The following SHANK2 variants were observed in gnomAD, a reference collection of about 807,000 sequenced individuals.
SHANK2 encodes SH3 and multiple ankyrin repeat domains 2, also known as SH3 and multiple ankyrin repeat domains protein 2.
Under a neutral mutation model 133.7 loss-of-function variants are expected in SHANK2, and 43 were observed. The observed-to-expected ratio is 0.32, with a 90% CI of 0.25 to 0.41. The LOEUF (loss-of-function observed/expected upper bound fraction) is 0.41, where lower values mean the gene tolerates loss of function less well. SHANK2 is among the 10% of genes least tolerant of loss of function. The probability of loss-of-function intolerance (pLI) is 1.00; values close to 1 mark genes in which losing one functional copy is unlikely to be tolerated. For synonymous variants in SHANK2, 1,017 were observed against 952.8 expected, an observed-to-expected ratio of 1.07 and a Z score of -1.24; for missense variants, 1,994 against 2,235.8, an observed-to-expected ratio of 0.89 and a Z score of 2.18.
At chr11:70,825,002 G>A (rs1555056935) in intron 11 of SHANK2, among the ~76,000 whole-genome samples, 1 of 152,114 alleles carries the variant, frequency 6.6e-6, no homozygotes, top group African/African-American at 2.4e-5. Flanking sequence ...GAGAGGCCAC[G>A]GCTCTCCCTA....
At chr11:71,130,506 G>A (rs573979348) in intron 3 of SHANK2, among the ~76,000 whole-genome samples, 1 of 152,282 alleles carries the variant, frequency 6.6e-6, no homozygotes, top group African/African-American at 2.4e-5. Flanking sequence ...TGTAGTGAGG[G>A]CAAGGAAGTG....
chr11:70,493,373 T>TAA (rs71049919), intron 21 of SHANK2, among the ~76,000 whole-genome samples: 11 of 123,452 alleles, frequency 8.9e-5, no homozygotes, highest in African/African-American at 2.4e-4. Context: ...CCATTTCCTT[T>TAA]AAAAAAAAAA....
At chr11:70,860,741 G>A (rs1394136765) in intron 11 of SHANK2, among the ~76,000 whole-genome samples, 4 of 152,204 alleles carry the variant, frequency 2.6e-5, no homozygotes, top group African/African-American at 7.2e-5. Flanking sequence ...GGGGCCTGGC[G>A]CGATGGCTCA....
At chr11:70,490,840 T>C (rs2058877173) in intron 22 of SHANK2, among the ~76,000 whole-genome samples, 1 of 152,148 alleles carries the variant, frequency 6.6e-6, no homozygotes, top group South Asian at 2.1e-4. Context: ...CATCTCCTCT[T>C]TCATAAAATG....
intron 14 of SHANK2, among the ~76,000 whole-genome samples, chr11:70,701,160 G>A (rs1214295169): frequency 6.6e-6 from 1 of 150,956 alleles, no homozygotes; most frequent in African/African-American, 2.5e-5. Context: ...GTGCGTGTGT[G>A]TGTACGCGTG....
In SHANK2 at chr11:71,153,293, C is replaced by CG. The variant is rs544421888; in HGVS notation, c.-12-5956dup. Among the ~76,000 whole-genome samples the CG allele has an allele frequency of 4.0e-5, 4 of 100,680 alleles. No homozygotes were observed. The South Asian group carries it at 1.2e-3, about 30-fold the overall frequency. 66.0% of individuals were successfully genotyped at this position (100,680 alleles called of 152,430 possible). On this transcript the variant is annotated intron_variant, in intron 2 of 25. Coordinates refer to ENST00000601538, the MANE Select transcript of SHANK2 (RefSeq NM_012309.5). ...TGTGTAACTAATCTCTCGGGCGGGT[C>CG]GGGGGCGGGGGAGAGGCCATAAAAC...
chr11:70,907,618 A>G (rs1950125887), intron 10 of SHANK2: 1 of 193,078 alleles, frequency 5.2e-6, no homozygotes, highest in Admixed American at 5.5e-5. Context: ...AGAGATCCAT[A>G]TATTAAGGAG....
intron 11 of SHANK2, among the ~76,000 whole-genome samples, chr11:70,881,281 A>G (rs1949655316): frequency 6.6e-6 from 1 of 152,100 alleles, no homozygotes; most frequent in Admixed American, 6.6e-5. Context: ...TCCTGGGCTC[A>G]AGCAATCCTC....
At chr11:70,545,208 G>A (rs1554976043) in intron 17 of SHANK2, among the ~76,000 whole-genome samples, 1 of 152,246 alleles carries the variant, frequency 6.6e-6, no homozygotes, top group Non-Finnish European at 1.5e-5. Flanking sequence ...GGCTCGCGCT[G>A]TCTGAGCTCC....
intron 9 of SHANK2, among the ~76,000 whole-genome samples, chr11:71,057,051 T>C (rs1440073301): frequency 6.6e-6 from 1 of 152,060 alleles, no homozygotes; most frequent in Non-Finnish European, 1.5e-5. Flanking sequence ...AACAATAATA[T>C]TGGCCATGCG....
chr11:70,670,780 T>C lies in SHANK2; in HGVS notation c.1854-9102A>G, dbSNP rs942206260. On this transcript the variant is annotated intron_variant, in intron 15 of 25. Coordinates refer to ENST00000601538, the MANE Select transcript of SHANK2 (RefSeq NM_012309.5). ...GGCCAGCCTGCTCCTGGGGAGGCCA[T>C]TGCTGTTTCCAGGGCAGGAGGTGAT... is the stretch of plus-strand genomic sequence containing the variant. 2.0e-5 allele frequency among the ~76,000 whole-genome samples: 3 copies of C among 152,304 alleles called. No individual in the cohort carries two copies. In the East Asian group the frequency reaches 5.8e-4, roughly 30 times the overall value.
At chr11:71,249,451 G>C (rs529164137) in intron 1 of SHANK2, among the ~76,000 whole-genome samples, 13 of 152,168 alleles carry the variant, frequency 8.5e-5, no homozygotes, top group Non-Finnish European at 1.8e-4. Flanking sequence ...CATTTCCACT[G>C]GTTTTTCTCA....
At chr11:71,094,466 G>T in intron 7 of SHANK2, 71 bp downstream of exon 7, 5 of 1,463,736 alleles carry the variant, frequency 3.4e-6, no homozygotes, top group Non-Finnish European at 4.6e-6. Flanking sequence ...GGGCACTGCG[G>T]GGATGGGATG....
chr11:70,770,809 A>G (rs1420045645), intron 14 of SHANK2, among the ~76,000 whole-genome samples: 1 of 151,896 alleles, frequency 6.6e-6, no homozygotes, highest in African/African-American at 2.4e-5. Flanking sequence ...TCCGACACAC[A>G]GAGTGCTCCA....
chr11:71,057,842 C>G (rs992646932), intron 9 of SHANK2, among the ~76,000 whole-genome samples: 1 of 151,384 alleles, frequency 6.6e-6, no homozygotes, highest in Non-Finnish European at 1.5e-5. Flanking sequence ...AACCACCATG[C>G]CTGACCAGAG....
intron 14 of SHANK2, among the ~76,000 whole-genome samples, chr11:70,730,165 C>T (rs1169150737): frequency 2.0e-5 from 3 of 149,514 alleles, no homozygotes; most frequent in East Asian, 3.9e-4. Context: ...ATCATCAATG[C>T]TATTTGCAGC....
At chr11:71,173,007 G>A (rs1413633870) in intron 2 of SHANK2, among the ~76,000 whole-genome samples, 1 of 152,238 alleles carries the variant, frequency 6.6e-6, no homozygotes, top group Non-Finnish European at 1.5e-5. Context: ...GCTGAGAAGT[G>A]GGCATCCCAG....
intron 14 of SHANK2, among the ~76,000 whole-genome samples, chr11:70,738,981 C>G (rs140749425): frequency 1.3e-5 from 2 of 152,142 alleles, no homozygotes; most frequent in African/African-American, 4.8e-5. Flanking sequence ...GTCTGTGGCC[C>G]GACGGAAGGA....
At chr11:70,697,345 A>G (rs1555022449) in intron 15 of SHANK2, among the ~76,000 whole-genome samples, 3 of 152,236 alleles carry the variant, frequency 2.0e-5, no homozygotes, top group African/African-American at 7.2e-5. Context: ...ATGTGCCACC[A>G]TGTGGATAGA....
Sources: allele counts gnomAD v4.1 joint callset (sites outside exome capture counted in the v4.1 genomes callset), GRCh38; gene constraint gnomAD v4.1.1; transcripts MANE v1.5; gene names NCBI Gene and HGNC (gene_info 2026-07-23, HGNC 2026-07-21).